Variants in SAMD13 observed in about 807,000 individuals in gnomAD.
The protein encoded by SAMD13 is sterile alpha motif domain-containing protein 13.
SAMD13 carries 9 observed loss-of-function variants against 12.4 expected under a neutral mutation model. The observed-to-expected ratio is 0.72, with a 90% CI of 0.44 to 1.26. The LOEUF (loss-of-function observed/expected upper bound fraction) is 1.26, where lower values mean the gene tolerates loss of function less well. SAMD13 is among the 50% of genes most tolerant of loss of function. SAMD13 has a pLI of 0.00. For missense variants in SAMD13, 84 were observed against 119.6 expected (o/e 0.70, Z 1.39); for synonymous variants, 46 against 45.4 (o/e 1.01, Z -0.05).
At chr1:84,323,063 T>G (rs1678979859) in intron 2 of SAMD13, among the ~76,000 whole-genome samples, 1 of 152,178 alleles carries the variant, frequency 6.6e-6, no homozygotes, top group African/African-American at 2.4e-5. Context: ...GGAGATTGAA[T>G]TCAGATGTTT....
At chr1:84,308,217 A>T (rs1374437431) in intron 2 of SAMD13, among the ~76,000 whole-genome samples, 3 of 152,156 alleles carry the variant, frequency 2.0e-5, no homozygotes, top group African/African-American at 7.2e-5. Flanking sequence ...CCATTACTCC[A>T]TCTTGACTGG....
At chr1:84,328,351 A>G (rs1679102768) in intron 3 of SAMD13, among the ~76,000 whole-genome samples, 1 of 152,154 alleles carries the variant, frequency 6.6e-6, no homozygotes, top group South Asian at 2.1e-4. Context: ...TCTTGCTACT[A>G]TGTTCAACCT....
chr1:84,336,857 A>G (rs1271565715), intron 3 of SAMD13, among the ~76,000 whole-genome samples: 2 of 152,200 alleles, frequency 1.3e-5, no homozygotes, highest in Non-Finnish European at 2.9e-5. Flanking sequence ...TACTTCCTAG[A>G]TACAGTGGGG....
At chr1:84,327,522 C>T (rs894234833) in intron 3 of SAMD13, among the ~76,000 whole-genome samples, 1 of 152,056 alleles carries the variant, frequency 6.6e-6, no homozygotes, top group African/African-American at 2.4e-5. Flanking sequence ...GCTTGGGTTA[C>T]AGGTATGCAT....
intron 1 of SAMD13, chr1:84,302,791 A>C: frequency 2.7e-5 from 14 of 524,124 alleles, no homozygotes; most frequent in South Asian, 8.7e-5. Context: ...ACCAAACACA[A>C]TAAGAAAAAA....
At chr1:84,299,649 G>A (rs767502791), upstream of SAMD13, 43 of 1,327,290 alleles carry the variant, frequency 3.2e-5, no homozygotes, top group African/African-American at 3.2e-4. Flanking sequence ...GAGTGTGTGA[G>A]TACTAGTGTA....
chr1:84,334,201 T>C (rs1398715495), intron 3 of SAMD13, among the ~76,000 whole-genome samples: 1 of 152,108 alleles, frequency 6.6e-6, no homozygotes, highest in Admixed American at 6.6e-5. Context: ...TTCTGGTTGG[T>C]AGGCTTTTTA....
chr1:84,340,941 G>C (rs543079143), intron 3 of SAMD13, among the ~76,000 whole-genome samples: 1 of 152,192 alleles, frequency 6.6e-6, no homozygotes, highest in Non-Finnish European at 1.5e-5. Flanking sequence ...CTCATCCCAT[G>C]ATGGCCCTAA....
intron 2 of SAMD13, among the ~76,000 whole-genome samples, chr1:84,314,340 G>C (rs538270602): frequency 7.2e-5 from 11 of 152,108 alleles, no homozygotes; most frequent in Admixed American, 6.5e-4. Context: ...AGCCTGGTCT[G>C]GCTTCTCATG....
At chr1:84,341,671 AG>A (rs1478727689) in intron 3 of SAMD13, among the ~76,000 whole-genome samples, 1 of 152,170 alleles carries the variant, frequency 6.6e-6, no homozygotes, top group East Asian at 1.9e-4. Context: ...GGTATGAAAG[AG>A]GAGTCAGAAA....
intron 3 of SAMD13, among the ~76,000 whole-genome samples, chr1:84,328,126 C>T (rs1679098126): frequency 6.6e-6 from 1 of 152,194 alleles, no homozygotes; most frequent in African/African-American, 2.4e-5. Flanking sequence ...TGGAGGCAGA[C>T]ATCCCAGACT....
chr1:84,312,278 T>C (rs1678732656), intron 2 of SAMD13, among the ~76,000 whole-genome samples: 1 of 152,062 alleles, frequency 6.6e-6, no homozygotes, highest in Non-Finnish European at 1.5e-5. Context: ...CTTGCTATGT[T>C]CCAACAAATT....
intron 2 of SAMD13, among the ~76,000 whole-genome samples, chr1:84,306,794 G>A (rs1221498606): frequency 2.0e-5 from 3 of 150,858 alleles, no homozygotes; most frequent in Non-Finnish European, 3.0e-5. Context: ...TTGTGCCACT[G>A]CACTCCAGCC....
At chr1:84,343,238 G>T (rs1042566345) in intron 3 of SAMD13, among the ~76,000 whole-genome samples, 1 of 152,158 alleles carries the variant, frequency 6.6e-6, no homozygotes, top group African/African-American at 2.4e-5. Context: ...AAATAGGAAT[G>T]CTTTTACACT....
chr1:84,329,466 G>A (rs1293071128), intron 3 of SAMD13, among the ~76,000 whole-genome samples: 2 of 152,126 alleles, frequency 1.3e-5, no homozygotes, highest in African/African-American at 2.4e-5. Context: ...GTATGGCTGT[G>A]GCAACTAGAC....
intron 2 of SAMD13, among the ~76,000 whole-genome samples, chr1:84,309,682 G>T (rs1341685295): frequency 2.0e-5 from 3 of 152,194 alleles, no homozygotes; most frequent in South Asian, 2.1e-4. Context: ...TTTATATTCA[G>T]AGTCTTCAAT....
At chr1:84,299,673 A>ATATATATATT (rs756472323), upstream of SAMD13, 119 of 900,520 alleles carry the variant, frequency 1.3e-4, no homozygotes, top group Middle Eastern at 6.0e-4. Context: ...ATATATATAT[A>ATATATATATT]TATTTATTTA....
chr1:84,316,350 T>C (rs1678832594), intron 2 of SAMD13, among the ~76,000 whole-genome samples: 1 of 152,220 alleles, frequency 6.6e-6, no homozygotes, highest in East Asian at 1.9e-4. Flanking sequence ...TTTTACAGTT[T>C]CAAGTCTTAT....
chr1:84,324,098 C>T (rs1044398981), intron 2 of SAMD13, among the ~76,000 whole-genome samples: 2 of 152,162 alleles, frequency 1.3e-5, no homozygotes, highest in African/African-American at 4.8e-5. Context: ...CCACACACTC[C>T]TCTTGTTTTT....
Sources: allele counts gnomAD v4.1 joint callset (sites outside exome capture counted in the v4.1 genomes callset), GRCh38; gene constraint gnomAD v4.1.1; transcripts MANE v1.5; gene names NCBI Gene and HGNC (gene_info 2026-07-23, HGNC 2026-07-21).